Variants in PPP2R3A observed in about 807,000 individuals in gnomAD.
The protein encoded by PPP2R3A is serine/threonine-protein phosphatase 2A regulatory subunit B'' subunit alpha.
PPP2R3A carries 80 observed loss-of-function variants against 106.9 expected under a neutral mutation model. The observed-to-expected ratio is 0.75, with a 90% CI of 0.62 to 0.90. PPP2R3A has a LOEUF of 0.90. Among genes scored for constraint, PPP2R3A ranks in the 40% least tolerant of loss-of-function variants. PPP2R3A has a pLI of 0.00. For missense variants in PPP2R3A, 1,386 were observed against 1,350.4 expected (o/e 1.03, Z -0.41); for synonymous variants, 483 against 468.3 (o/e 1.03, Z -0.41).
chr3:135,976,251 C>T (rs1219254654), intron 1 of PPP2R3A, among the ~76,000 whole-genome samples: 3 of 152,192 alleles, frequency 2.0e-5, no homozygotes, highest in Admixed American at 2.0e-4. Flanking sequence ...ATGTGACTCT[C>T]TGAAGTCTCC....
At chr3:136,027,772 T>C (rs1438561780) in intron 3 of PPP2R3A, among the ~76,000 whole-genome samples, 1 of 152,210 alleles carries the variant, frequency 6.6e-6, no homozygotes, top group South Asian at 2.1e-4. Flanking sequence ...ATTTTTATTA[T>C]GCATAAATAT....
At position 136,040,026 on chromosome 3, in the gene PPP2R3A, C is replaced by CT. The variant is rs1935211011; in HGVS notation, c.2263-833_2263-832insT. Among the ~76,000 whole-genome samples the CT allele has an allele frequency of 6.6e-5, 10 of 152,150 alleles. No individual in the cohort carries two copies. In the South Asian group the frequency reaches 1.9e-3, roughly 28 times the overall value. On this transcript the variant is annotated intron_variant, in intron 3 of 13. Transcript: ENST00000264977. ...CTTTCATCTTTTACCTGAATTATAA[C>CT]CATTTAAATAGATATGATAGCTGTT...
chr3:136,105,270 G>A (rs1229208785), intron 12 of PPP2R3A, among the ~76,000 whole-genome samples: 1 of 152,232 alleles, frequency 6.6e-6, no homozygotes, highest in Non-Finnish European at 1.5e-5. Context: ...GTCACTCCAG[G>A]TGGCTGCTGT....
At chr3:136,045,309 G>T (rs1307849847) in intron 4 of PPP2R3A, among the ~76,000 whole-genome samples, 1 of 152,228 alleles carries the variant, frequency 6.6e-6, no homozygotes, top group Non-Finnish European at 1.5e-5. Flanking sequence ...CAGGGAGCCA[G>T]AGAACTAAGC....
chr3:136,071,706 T>C (rs1432439385), intron 6 of PPP2R3A, among the ~76,000 whole-genome samples: 3 of 152,182 alleles, frequency 2.0e-5, no homozygotes, highest in Non-Finnish European at 4.4e-5. Context: ...CCAGCTCACA[T>C]AGAATAAAAG....
intron 2 of PPP2R3A, among the ~76,000 whole-genome samples, chr3:136,010,017 A>C (rs1047209530): frequency 5.3e-5 from 8 of 152,156 alleles, no homozygotes; most frequent in Admixed American, 4.6e-4. Context: ...GTGTTTCCCT[A>C]GTCCATTCAC....
At chr3:136,005,376 T>TGG (rs367805595) in intron 2 of PPP2R3A, among the ~76,000 whole-genome samples, 14 of 152,342 alleles carry the variant, frequency 9.2e-5, no homozygotes, top group African/African-American at 3.4e-4. Flanking sequence ...GTATGTTTTG[T>TGG]GGCTGCTATT....
intron 13 of PPP2R3A, among the ~76,000 whole-genome samples, chr3:136,134,402 A>G (rs535296537): frequency 4.6e-5 from 7 of 152,336 alleles, no homozygotes; most frequent in Middle Eastern, 3.4e-3. Flanking sequence ...AATCTAAACA[A>G]TTGGCACTGG....
intron 2 of PPP2R3A, among the ~76,000 whole-genome samples, chr3:136,011,976 C>T (rs1934098963): frequency 7.6e-6 from 1 of 132,334 alleles, no homozygotes; most frequent in South Asian, 2.3e-4. Context: ...AGAAATCATA[C>T]ACACACACAC....
chr3:135,975,610 G>A (rs1205050160), intron 1 of PPP2R3A, among the ~76,000 whole-genome samples: 2 of 152,150 alleles, frequency 1.3e-5, no homozygotes, highest in African/African-American at 4.8e-5. Context: ...AGAAAATAAA[G>A]TGGAGGGCTT....
intron 13 of PPP2R3A, among the ~76,000 whole-genome samples, chr3:136,120,881 CTA>C (rs1937970514): frequency 6.6e-6 from 1 of 152,078 alleles, no homozygotes; most frequent in South Asian, 2.1e-4. Context: ...CAATGAGATA[CTA>C]TCTCACACCA....
At chr3:136,045,284 G>C (rs1465996525) in intron 4 of PPP2R3A, among the ~76,000 whole-genome samples, 1 of 152,228 alleles carries the variant, frequency 6.6e-6, no homozygotes, top group Non-Finnish European at 1.5e-5. Context: ...ACCCAGCACA[G>C]CTGGTGCTCG....
chr3:136,084,586 C>A (rs1936872900), intron 8 of PPP2R3A, among the ~76,000 whole-genome samples: 1 of 152,134 alleles, frequency 6.6e-6, no homozygotes, highest in South Asian at 2.1e-4. Context: ...TGCTCCAGGC[C>A]CCAGAATGGT....
chr3:136,137,534 ATTTTTT>A (rs59086929), intron 13 of PPP2R3A, among the ~76,000 whole-genome samples: 13 of 40,528 alleles, frequency 3.2e-4, no homozygotes, highest in Non-Finnish European at 4.7e-4. Flanking sequence ...TCTGTCAGAG[ATTTTTT>A]TTTTTTTTTT....
At chr3:136,091,211 C>T (rs1382720020) in intron 10 of PPP2R3A, among the ~76,000 whole-genome samples, 7 of 152,162 alleles carry the variant, frequency 4.6e-5, no homozygotes, top group Non-Finnish European at 7.4e-5. Context: ...TGTAACACAA[C>T]GCACTGTAGT....
intron 3 of PPP2R3A, among the ~76,000 whole-genome samples, chr3:136,037,759 C>T (rs1935136286): frequency 6.6e-6 from 1 of 152,120 alleles, no homozygotes; most frequent in Admixed American, 6.5e-5. Context: ...ATTAGACAAC[C>T]TTGCTTTGGA....
At chr3:136,105,844 C>A (rs112952715) in intron 12 of PPP2R3A, among the ~76,000 whole-genome samples, 5 of 152,098 alleles carry the variant, frequency 3.3e-5, no homozygotes, top group African/African-American at 9.7e-5. Context: ...CCTGTAGTCC[C>A]AGCTACTTGG....
intron 3 of PPP2R3A, among the ~76,000 whole-genome samples, chr3:136,034,256 C>T (rs60165730): frequency 0.011 from 1,665 of 152,104 alleles, 27 homozygotes; most frequent in African/African-American, 0.037. Flanking sequence ...AGGATGGTCT[C>T]GACCTCTTGA....
In PPP2R3A at chr3:136,001,295, A is replaced by G; in HGVS notation, c.-204A>G. ...CAATTATTAAATTATTAAATTTGCC[A>G]CACATGTGCAGCAGCTACTGTATCC... On this transcript the variant is annotated 5_prime_UTR_variant, in exon 2 of 14. Coordinates refer to ENST00000264977, the MANE Select transcript of PPP2R3A (RefSeq NM_002718.5). 1 of 470,290 alleles carries G rather than the reference A, an allele frequency of 2.1e-6. No individual in the cohort carries two copies. Among genetic ancestry groups the G allele is most frequent in the Non-Finnish European group, 3.7e-6 (1 of 269,554 alleles). The allele number at this position is 470,290 out of a possible 1,614,324, so 29.1% of individuals were successfully genotyped here.
Sources: allele counts gnomAD v4.1 joint callset (sites outside exome capture counted in the v4.1 genomes callset), GRCh38; gene constraint gnomAD v4.1.1; transcripts MANE v1.5; gene names NCBI Gene and HGNC (gene_info 2026-07-23, HGNC 2026-07-21).